The following KBTBD12 variants were observed in gnomAD, a reference collection of about 807,000 sequenced individuals.
The protein encoded by KBTBD12 is kelch repeat and BTB domain-containing protein 12.
Under a neutral mutation model 58.7 loss-of-function variants are expected in KBTBD12, and 53 were observed. That is an observed-to-expected ratio of 0.90 (90% CI 0.72 to 1.14). The LOEUF is 1.14. Ranked by LOEUF, KBTBD12 falls within the 50% of genes most tolerant of loss-of-function variation. KBTBD12 has a pLI of 0.00. For missense variants in KBTBD12, 704 were observed against 751.3 expected, an observed-to-expected ratio of 0.94 and a Z score of 0.74; for synonymous variants, 236 against 259.8, an observed-to-expected ratio of 0.91 and a Z score of 0.88.
chr3:127,944,170 G>A (rs4857882), intron 4 of KBTBD12, among the ~76,000 whole-genome samples: 1 of 151,880 alleles, frequency 6.6e-6, no homozygotes. Context: ...ATTTGGAGTC[G>A]TTCATGGTTC....
intron 4 of KBTBD12, among the ~76,000 whole-genome samples, chr3:127,948,611 C>T (rs1182822858): frequency 6.6e-6 from 1 of 152,136 alleles, no homozygotes. Context: ...TGTAAATGCT[C>T]ATTTTGCAAA....
Position 127,923,760 on chromosome 3 carries a change from C to T in KBTBD12, c.699C>T (p.Ala233=), listed in dbSNP as rs754364807. ...ELVNPSFLRQ[A]LRRNTMLLCD... is the part of the protein sequence containing the mutation. The stretch of plus-strand genomic sequence containing the variant: ...TAAATCCTTCTTTTTTAAGACAAGC[C>T]CTAAGAAGGAACACAATGCTTCTGT... The change falls in exon 2 of 6, where the codon GCC becomes GCT. Residue 233 remains alanine (A), a synonymous_variant. Transcript: ENST00000405109. 64 of 1,613,606 alleles carry T rather than the reference C, an allele frequency of 4.0e-5. No homozygotes were observed. The highest frequency in any genetic ancestry group is 4.8e-5 in the Non-Finnish European group (57 of 1,179,780).
chr3:127,930,565 T>C (rs1939678158), intron 4 of KBTBD12, among the ~76,000 whole-genome samples: 1 of 152,154 alleles, frequency 6.6e-6, no homozygotes, highest in South Asian at 2.1e-4. Flanking sequence ...CCAAGTAATA[T>C]ACTTTGAAAT....
At chr3:127,969,451 A>G (rs1294206871) in intron 5 of KBTBD12, among the ~76,000 whole-genome samples, 8 of 152,194 alleles carry the variant, frequency 5.3e-5, no homozygotes, top group Admixed American at 5.2e-4. Context: ...ATTACATACA[A>G]AAATTGATAG....
At chr3:127,920,904 C>T (rs1000646215) in intron 1 of KBTBD12, among the ~76,000 whole-genome samples, 14 of 151,624 alleles carry the variant, frequency 9.2e-5, no homozygotes, top group Non-Finnish European at 1.6e-4. Flanking sequence ...TGAGTAACTT[C>T]CCATTTATAT....
At chr3:127,922,878 G>T (rs1939452389) in intron 1 of KBTBD12, 72 bp from the exon 2 acceptor site, 1 of 514,656 alleles carries the variant, frequency 1.9e-6, no homozygotes, top group Non-Finnish European at 3.4e-6. Flanking sequence ...ACTTTTTTTA[G>T]AACTAATGCT....
At chr3:127,944,721 GGCAAGGCATCCTT>G (rs1253613379) in intron 4 of KBTBD12, among the ~76,000 whole-genome samples, 3 of 152,058 alleles carry the variant, frequency 2.0e-5, no homozygotes, top group Non-Finnish European at 2.9e-5. Flanking sequence ...GTATAGAAGT[GGCAAGGCATCCTT>G]GCATTGTAAT....
chr3:127,965,766 A>G (rs1940551055), intron 5 of KBTBD12, among the ~76,000 whole-genome samples: 2 of 152,244 alleles, frequency 1.3e-5, no homozygotes, highest in Admixed American at 1.3e-4. Context: ...AAGCCCCACT[A>G]AAATGACAGT....
intron 4 of KBTBD12, among the ~76,000 whole-genome samples, chr3:127,958,328 C>T (rs1438376333): frequency 6.6e-6 from 1 of 152,150 alleles, no homozygotes; most frequent in Non-Finnish European, 1.5e-5. Flanking sequence ...GGGCCATCCC[C>T]TAAGCTCACT....
intron 3 of KBTBD12, among the ~76,000 whole-genome samples, chr3:127,928,931 T>C (rs1050829889): frequency 6.6e-6 from 1 of 152,204 alleles, no homozygotes; most frequent in Non-Finnish European, 1.5e-5. Context: ...TGTAACACAT[T>C]TAATTTTTTC....
intron 5 of KBTBD12, among the ~76,000 whole-genome samples, chr3:127,975,883 T>C (rs1159087183): frequency 5.3e-5 from 8 of 152,218 alleles, no homozygotes; most frequent in Non-Finnish European, 1.0e-4. Context: ...ACAGCGACCA[T>C]GAGGGAATAG....
At chr3:127,933,503 T>A (rs925460995) in intron 4 of KBTBD12, among the ~76,000 whole-genome samples, 4 of 152,026 alleles carry the variant, frequency 2.6e-5, no homozygotes, top group African/African-American at 9.7e-5. Context: ...AATCAGAAAG[T>A]CACAGAGAGA....
At chr3:127,921,637 G>C (rs1375531485) in intron 1 of KBTBD12, among the ~76,000 whole-genome samples, 1 of 152,074 alleles carries the variant, frequency 6.6e-6, no homozygotes, top group Admixed American at 6.6e-5. Flanking sequence ...AATTAGAGTA[G>C]CTTTCAGGAG....
intron 3 of KBTBD12, among the ~76,000 whole-genome samples, chr3:127,928,450 GA>G (rs1939628213): frequency 6.6e-6 from 1 of 152,218 alleles, no homozygotes; most frequent in Non-Finnish European, 1.5e-5. Context: ...TACTCTAAGT[GA>G]GACACCAGAA....
At chr3:127,922,869 C>CT (rs1311680999) in intron 1 of KBTBD12, 81 bp from the exon 2 acceptor site, 9 of 489,280 alleles carry the variant, frequency 1.8e-5, no homozygotes, top group Admixed American at 3.6e-5. Flanking sequence ...TTTATAAATA[C>CT]TTTTTTTAGA....
At chr3:127,954,511 A>T (rs1940279329) in intron 4 of KBTBD12, among the ~76,000 whole-genome samples, 1 of 152,198 alleles carries the variant, frequency 6.6e-6, no homozygotes, top group Non-Finnish European at 1.5e-5. Context: ...TAGATCTCAT[A>T]CTATTAGTTA....
chr3:127,952,480 G>A (rs1362282550), intron 4 of KBTBD12, among the ~76,000 whole-genome samples: 2 of 151,764 alleles, frequency 1.3e-5, no homozygotes, highest in Non-Finnish European at 2.9e-5. Flanking sequence ...CTCTCTCCCT[G>A]TTATGTTACC....
intron 4 of KBTBD12, among the ~76,000 whole-genome samples, chr3:127,945,601 A>G (rs916436283): frequency 2.6e-5 from 4 of 151,414 alleles, no homozygotes; most frequent in Non-Finnish European, 5.9e-5. Flanking sequence ...ATTTTGAGAA[A>G]GGTCTGTTTA....
intron 4 of KBTBD12, among the ~76,000 whole-genome samples, chr3:127,945,216 G>C (rs1424571426): frequency 9.8e-6 from 1 of 101,810 alleles, no homozygotes; most frequent in Non-Finnish European, 1.8e-5. Context: ...ACGGAGTCTC[G>C]CTCTGTCGCC....
Sources: allele counts gnomAD v4.1 joint callset (sites outside exome capture counted in the v4.1 genomes callset), GRCh38; gene constraint gnomAD v4.1.1; transcripts MANE v1.5; gene names NCBI Gene and HGNC (gene_info 2026-07-23, HGNC 2026-07-21).